Variants in PPP1R9A observed in about 807,000 individuals in gnomAD.
PPP1R9A encodes protein phosphatase 1 regulatory subunit 9A.
Under a neutral mutation model 141.9 loss-of-function variants are expected in PPP1R9A, and 59 were observed. The observed-to-expected ratio is 0.42, with a 90% CI of 0.34 to 0.52. The LOEUF (loss-of-function observed/expected upper bound fraction) is 0.52. Among genes scored for constraint, PPP1R9A ranks in the 20% least tolerant of loss-of-function variants. PPP1R9A has a pLI of 0.10. For synonymous variants in PPP1R9A, 500 were observed against 569.7 expected (o/e 0.88, Z 1.74); for missense variants, 1,444 against 1,611.9 (o/e 0.90, Z 1.78).
chr7:95,152,406 T>C (rs1326716635), intron 4 of PPP1R9A, among the ~76,000 whole-genome samples: 3 of 152,222 alleles, frequency 2.0e-5, no homozygotes, highest in African/African-American at 7.2e-5. Flanking sequence ...TTCTTTCTAA[T>C]TTATATTATA....
At chr7:95,156,214 C>T (rs922780206) in intron 4 of PPP1R9A, 3 of 152,400 alleles carry the variant, frequency 2.0e-5, no homozygotes, top group African/African-American at 4.8e-5. Context: ...GGTGCTGGCA[C>T]AGGCACTGAC....
intron 2 of PPP1R9A, among the ~76,000 whole-genome samples, chr7:94,956,688 A>G (rs1177971907): frequency 2.6e-5 from 4 of 152,106 alleles, no homozygotes; most frequent in African/African-American, 9.7e-5. Flanking sequence ...AGCCTGGGCA[A>G]CAGGGTGAGA....
At chr7:95,083,073 C>G (rs1433547439) in intron 2 of PPP1R9A, among the ~76,000 whole-genome samples, 1 of 151,852 alleles carries the variant, frequency 6.6e-6, no homozygotes, top group Non-Finnish European at 1.5e-5. Context: ...TTTTCTCACC[C>G]ATTGCAAGGT....
At chr7:94,958,416 C>T (rs1176956374) in intron 2 of PPP1R9A, among the ~76,000 whole-genome samples, 1 of 152,052 alleles carries the variant, frequency 6.6e-6, no homozygotes, top group Non-Finnish European at 1.5e-5. Context: ...CTATCTCATT[C>T]ACCTCTTTAT....
chr7:95,281,119 A>T lies in PPP1R9A; in HGVS notation c.3297-2899A>T, dbSNP rs980460254. On this transcript the variant is annotated intron_variant, in intron 16 of 19. Coordinates refer to ENST00000433360, the MANE Select transcript of PPP1R9A (RefSeq NM_001166160.2). ...TAGGTCCGAGAAATGAAAGCATACCACTCACTGTTCAGTTCTTTAAGGATA... is the reference window on the plus strand; with the variant it reads ...TAGGTCCGAGAAATGAAAGCATACCTCTCACTGTTCAGTTCTTTAAGGATA... 3.9e-5 allele frequency among the ~76,000 whole-genome samples: 6 copies of T among 152,138 alleles called. 1 individual carries two copies. The highest frequency in any genetic ancestry group is 2.0e-4 in the Admixed American group (3 of 15,274).
chr7:94,998,331 T>C (rs143729112), intron 2 of PPP1R9A, among the ~76,000 whole-genome samples: 4 of 152,336 alleles, frequency 2.6e-5, no homozygotes, highest in Admixed American at 6.5e-5. Flanking sequence ...TTTGAAAACC[T>C]GTGAACTATT....
At chr7:95,015,229 C>T (rs75229818) in intron 2 of PPP1R9A, among the ~76,000 whole-genome samples, 16,667 of 94,704 alleles carry the variant, frequency 0.18, 1,014 homozygotes, top group African/African-American at 0.27. Context: ...TATATATATA[C>T]ACACACACAC....
chr7:95,252,032 T>A lies in PPP1R9A; in HGVS notation c.2567T>A (p.Ile856Asn). 1.2e-6 allele frequency: 2 copies of A among 1,613,582 alleles called. No individual in the cohort carries two copies. The highest frequency in any genetic ancestry group is 1.7e-6 in the Non-Finnish European group (2 of 1,179,834). ...NGTQVNNNNN[I>N]FERRTSLGEV... ...ACTCAAGTTAACAATAATAACAACATCTTTGAGAGAAGAACATCTCTTGGT... is the reference window on the plus strand; with the variant it reads ...ACTCAAGTTAACAATAATAACAACAACTTTGAGAGAAGAACATCTCTTGGT... The change falls in exon 12 of 20, where the codon ATC becomes AAC. Residue 856 changes from isoleucine to asparagine, a missense_variant. Ile to Asn is a moderately radical substitution (Grantham distance 149). Around this residue, in one of 5 missense-constraint regions of PPP1R9A, gnomAD observed 488 missense variants for 542.0 expected, o/e 0.90. Coordinates refer to ENST00000433360, the MANE Select transcript of PPP1R9A (RefSeq NM_001166160.2).
chr7:95,154,128 T>C (rs1384105866), intron 4 of PPP1R9A, among the ~76,000 whole-genome samples: 1 of 151,928 alleles, frequency 6.6e-6, no homozygotes, highest in Non-Finnish European at 1.5e-5. Context: ...TTTTTCTTTG[T>C]ATTTTTTTTT....
chr7:95,278,166 C>CA (rs1259074886), intron 16 of PPP1R9A, among the ~76,000 whole-genome samples: 1 of 152,028 alleles, frequency 6.6e-6, no homozygotes, highest in African/African-American at 2.4e-5. Context: ...GGTTTCCTAC[C>CA]AAAAAATAAG....
At chr7:95,153,686 C>G (rs1829112541) in intron 4 of PPP1R9A, among the ~76,000 whole-genome samples, 1 of 152,134 alleles carries the variant, frequency 6.6e-6, no homozygotes. Context: ...GTGATATTTT[C>G]TTACATGCAT....
At chr7:94,998,482 C>T (rs1802462068) in intron 2 of PPP1R9A, among the ~76,000 whole-genome samples, 1 of 152,060 alleles carries the variant, frequency 6.6e-6, no homozygotes, top group South Asian at 2.1e-4. Flanking sequence ...AACTCAGTGT[C>T]TGATTTTTCT....
chr7:95,111,422 A>G (rs761713926), intron 3 of PPP1R9A, 31 bp downstream of exon 3: 1 of 1,581,852 alleles, frequency 6.3e-7, no homozygotes, highest in East Asian at 2.2e-5. Context: ...TAATATCATT[A>G]TGTTGCTATG....
At chr7:95,222,975 A>G (rs1012234364) in intron 7 of PPP1R9A, among the ~76,000 whole-genome samples, 11 of 151,982 alleles carry the variant, frequency 7.2e-5, no homozygotes, top group African/African-American at 9.7e-5. Flanking sequence ...GGTATTTATG[A>G]GATTCTGTAG....
chr7:95,196,329 TTGA>T lies in PPP1R9A; in HGVS notation c.1755-2016_1755-2014del, dbSNP rs1836276577. Among the ~76,000 whole-genome samples, 3 of 152,316 alleles carry T rather than the reference TTGA, an allele frequency of 2.0e-5. No individual in the cohort carries two copies. In the South Asian group the frequency reaches 6.2e-4, roughly 32 times the overall value. ...AAATTTTTAAAGACAGTACTAAGTGTTGATGAGGATGCAAAGCAACTACAGCTT... is the reference window on the plus strand; with the variant it reads ...AAATTTTTAAAGACAGTACTAAGTGTTGAGGATGCAAAGCAACTACAGCTT... On this transcript the variant is annotated intron_variant, in intron 5 of 19. Transcript: ENST00000433360.
intron 7 of PPP1R9A, among the ~76,000 whole-genome samples, chr7:95,211,144 A>AT (rs924739831): frequency 1.4e-4 from 7 of 51,788 alleles, no homozygotes; most frequent in African/African-American, 3.5e-4. Context: ...CTTAAAGTAT[A>AT]AAAAAAAAAA....
intron 2 of PPP1R9A, among the ~76,000 whole-genome samples, chr7:95,039,470 A>G (rs1563154251): frequency 6.6e-6 from 1 of 151,796 alleles, no homozygotes; most frequent in Admixed American, 6.6e-5. Flanking sequence ...AGGCAGGAGA[A>G]TTGCTTGAAT....
rs750029926 is a variant in PPP1R9A, at chr7:95,290,891, G to T, written c.*588G>T. The T allele has an allele frequency of 1.3e-5, 2 of 152,210 alleles. No individual in the cohort carries two copies. The highest frequency in any genetic ancestry group is 1.3e-4 in the Admixed American group (2 of 15,290). 9.4% of individuals were successfully genotyped at this position (152,210 alleles called of 1,614,324 possible). A position where few individuals can be genotyped will look rare whatever the true frequency, so the allele number is the denominator to read the frequency against. On this transcript the variant is annotated 3_prime_UTR_variant, in exon 20 of 20. Transcript: ENST00000433360. ...CTGTAGTTACCTACTAAGGGAAAAG[G>T]CAAGCAAGTCATTCTGCTTGCTAGG...
chr7:94,914,369 C>T (rs1791810350), intron 2 of PPP1R9A, among the ~76,000 whole-genome samples: 1 of 152,120 alleles, frequency 6.6e-6, no homozygotes, highest in Admixed American at 6.5e-5. Context: ...TAAATCTGGA[C>T]TTAGAAAAAC....
Sources: gnomAD v4.1 joint callset for allele counts (sites outside exome capture counted in the v4.1 genomes callset) on GRCh38, gnomAD v4.1.1 for gene constraint, gnomAD v4.1.1 regional missense constraint, MANE v1.5 for transcripts, NCBI Gene and HGNC (gene_info 2026-07-23, HGNC 2026-07-21) for gene names.